The following ANXA2 variants were observed in gnomAD, a reference collection of about 807,000 sequenced individuals.
ANXA2 encodes the protein annexin A2, also known as annexin II.
In ANXA2, 28 loss-of-function variants were observed where a neutral mutation model predicts 47.3. The ratio of observed to expected loss-of-function variants is 0.59; its 90% CI spans 0.44 to 0.81. ANXA2 has a LOEUF of 0.81. Among genes scored for constraint, ANXA2 ranks in the 40% least tolerant of loss-of-function variants. The pLI is 0.00. For synonymous variants in ANXA2, 172 were observed against 155.5 expected (o/e 1.11, Z -0.79); for missense variants, 384 against 414.3 (o/e 0.93, Z 0.64).
intron 3 of ANXA2, among the ~76,000 whole-genome samples, chr15:60,377,042 C>T (rs1270395226): frequency 6.6e-6 from 1 of 152,220 alleles, no homozygotes; most frequent in Non-Finnish European, 1.5e-5. Context: ...TTGTTTCTAT[C>T]AATACTTGAG....
chr15:60,353,262 T>C (rs2062376432), intron 8 of ANXA2, among the ~76,000 whole-genome samples: 1 of 152,196 alleles, frequency 6.6e-6, no homozygotes, highest in Non-Finnish European at 1.5e-5. Flanking sequence ...GCTTAACAAA[T>C]AGTTCTCAGA....
In ANXA2 at chr15:60,365,769, C is replaced by T. The variant is rs551053036; in HGVS notation, c.149-1246G>A. Among the ~76,000 whole-genome samples, 52 of 152,210 alleles carry T rather than the reference C, an allele frequency of 3.4e-4. 1 individual carries two copies. Among genetic ancestry groups the T allele is most frequent in the African/African-American group, 1.2e-3 (51 of 41,516 alleles). ...GCTATCTTAACTGTAGCATCTATAA[C>T]TTTAGCTCTCATTTTTAGAGTAGCC... On this transcript the variant is annotated intron_variant, in intron 3 of 12. Coordinates refer to ENST00000451270, the MANE Select transcript of ANXA2 (RefSeq NM_004039.3).
At chr15:60,357,077 C>T in intron 6 of ANXA2, 69 bp downstream of exon 6, 1 of 1,430,836 alleles carries the variant, frequency 7.0e-7, no homozygotes, top group Non-Finnish European at 9.8e-7. Flanking sequence ...CGAACCCTAA[C>T]CCCAGTGGCC....
At chr15:60,357,081 A>G in intron 6 of ANXA2, 65 bp downstream of exon 6, 1 of 1,450,794 alleles carries the variant, frequency 6.9e-7, no homozygotes, top group Non-Finnish European at 9.7e-7. Flanking sequence ...CCCTAACCCC[A>G]GTGGCCATGA....
chr15:60,389,790 G>C (rs2062983155), intron 1 of ANXA2, among the ~76,000 whole-genome samples: 1 of 152,134 alleles, frequency 6.6e-6, no homozygotes, highest in South Asian at 2.1e-4. Flanking sequence ...AGCTACAGTT[G>C]ACTAGGGCCA....
intron 3 of ANXA2, among the ~76,000 whole-genome samples, chr15:60,381,202 A>G (rs1226183056): frequency 1.3e-5 from 2 of 152,208 alleles, no homozygotes; most frequent in Non-Finnish European, 2.9e-5. Context: ...TCTTTCAACG[A>G]ACCGTATGTG....
intron 4 of ANXA2, among the ~76,000 whole-genome samples, chr15:60,362,155 A>T (rs1256883735): frequency 6.6e-6 from 1 of 152,166 alleles, no homozygotes; most frequent in Non-Finnish European, 1.5e-5. Context: ...CACGGCACTT[A>T]GGAGGGGACT....
intron 3 of ANXA2, among the ~76,000 whole-genome samples, chr15:60,380,851 G>A (rs980281007): frequency 6.8e-6 from 1 of 146,402 alleles, no homozygotes; most frequent in Non-Finnish European, 1.5e-5. Context: ...GGTCTAATTT[G>A]GATGCTTCAT....
chr15:60,366,310 G>A (rs1171037555), intron 3 of ANXA2, among the ~76,000 whole-genome samples: 4 of 143,132 alleles, frequency 2.8e-5, no homozygotes, highest in African/African-American at 5.3e-5. Flanking sequence ...GCCGCCCATC[G>A]TCTGGGATAT....
chr15:60,376,399 C>A (rs777205601), intron 3 of ANXA2, among the ~76,000 whole-genome samples: 55 of 150,944 alleles, frequency 3.6e-4, no homozygotes, highest in African/African-American at 9.3e-4. Flanking sequence ...AAAAAGAAGA[C>A]GACGACGACA....
intron 6 of ANXA2, among the ~76,000 whole-genome samples, chr15:60,356,626 G>C (rs1278807894): frequency 3.3e-5 from 5 of 152,062 alleles, no homozygotes; most frequent in Admixed American, 3.3e-4. Context: ...CCCAAAATAT[G>C]TAAAACTATG....
At chr15:60,349,656 T>C (rs1169509788) in intron 11 of ANXA2, among the ~76,000 whole-genome samples, 2 of 151,002 alleles carry the variant, frequency 1.3e-5, no homozygotes, top group African/African-American at 2.4e-5. Flanking sequence ...AAAGAACTTA[T>C]TCATGTAACC....
chr15:60,376,367 CAA>C (rs1235312273), intron 3 of ANXA2, among the ~76,000 whole-genome samples: 1 of 149,282 alleles, frequency 6.7e-6, no homozygotes, highest in African/African-American at 2.5e-5. Context: ...GCAACAAGAG[CAA>C]AACTCTGTCT....
At chr15:60,374,731 CAG>C (rs764029156) in intron 3 of ANXA2, 216 of 456,034 alleles carry the variant, frequency 4.7e-4, no homozygotes, top group Non-Finnish European at 5.8e-4. Context: ...TCTGTGCTGG[CAG>C]AGTCACAGGG....
chr15:60,355,721 A>C, intron 7 of ANXA2, 198 bp downstream of exon 7: 2 of 644,750 alleles, frequency 3.1e-6, no homozygotes, highest in East Asian at 5.8e-5. Context: ...CCACTTGTCC[A>C]TGAGGTTTTG....
chr15:60,397,967 A>G lies in ANXA2; in HGVS notation c.-36T>C. On this transcript the variant is annotated 5_prime_UTR_variant, in exon 1 of 13. Transcript: ENST00000451270. Reference sequence around the variant, plus strand: ...CCTGGGCCGTGCGCCGAGAGCTGAGAGCGTCCCCAAATGCTGAGCAGAGCC... The same window carrying G: ...CCTGGGCCGTGCGCCGAGAGCTGAGGGCGTCCCCAAATGCTGAGCAGAGCC... 7.9e-7 allele frequency: 1 copy of G among 1,262,268 alleles called. No homozygotes were observed. Among genetic ancestry groups the G allele is most frequent in the Non-Finnish European group, 1.0e-6 (1 of 999,672 alleles). The allele number at this position is 1,262,268 out of a possible 1,614,324, so 78.2% of individuals were successfully genotyped here. A position where few individuals can be genotyped will look rare whatever the true frequency, so the allele number is the denominator to read the frequency against.
At chr15:60,348,153 C>T (rs1215162419) in intron 12 of ANXA2, among the ~76,000 whole-genome samples, 2 of 152,166 alleles carry the variant, frequency 1.3e-5, no homozygotes, top group Non-Finnish European at 2.9e-5. Context: ...CTAACTGGTC[C>T]TTTGACTTTA....
At chr15:60,390,286 T>C in intron 1 of ANXA2, 3 of 1,048,542 alleles carry the variant, frequency 2.9e-6, no homozygotes, top group Non-Finnish European at 3.5e-6. Flanking sequence ...TATTTCCTAC[T>C]TCATGTGAGT....
intron 1 of ANXA2, chr15:60,396,140 A>G (rs1169282216): frequency 6.6e-6 from 1 of 152,130 alleles, no homozygotes; most frequent in Non-Finnish European, 1.5e-5. Flanking sequence ...GGGTCTTGCT[A>G]TGTTGCTCAC....
Sources: allele counts gnomAD v4.1 joint callset (sites outside exome capture counted in the v4.1 genomes callset), GRCh38; gene constraint gnomAD v4.1.1; transcripts MANE v1.5; gene names NCBI Gene and HGNC (gene_info 2026-07-23, HGNC 2026-07-21).